The following FAM219A variants were observed in gnomAD, a reference collection of about 807,000 sequenced individuals.
FAM219A encodes protein FAM219A.
In FAM219A, 7 loss-of-function variants were observed where a neutral mutation model predicts 23.4. The observed-to-expected ratio is 0.30, with a 90% CI of 0.17 to 0.56. The LOEUF is 0.56. Ranked by LOEUF, FAM219A falls within the 20% of genes least tolerant of loss-of-function variation. The probability of loss-of-function intolerance (pLI) is 0.92; values close to 1 mark genes in which losing one functional copy is unlikely to be tolerated. For missense variants in FAM219A, 166 were observed against 246.9 expected, an observed-to-expected ratio of 0.67 and a Z score of 2.20; for synonymous variants, 93 against 99.0, an observed-to-expected ratio of 0.94 and a Z score of 0.36.
chr9:34,423,978 T>C (rs1822369813), intron 1 of FAM219A, among the ~76,000 whole-genome samples: 1 of 152,066 alleles, frequency 6.6e-6, no homozygotes, highest in South Asian at 2.1e-4. Flanking sequence ...TGTGTAAATA[T>C]GTGTATGTTT....
chr9:34,447,822 T>C (rs1265976209), intron 1 of FAM219A, among the ~76,000 whole-genome samples: 1 of 152,162 alleles, frequency 6.6e-6, no homozygotes, highest in Non-Finnish European at 1.5e-5. Context: ...TTATATTAAT[T>C]CAATACTTCA....
intron 1 of FAM219A, among the ~76,000 whole-genome samples, chr9:34,419,051 G>C (rs532543284): frequency 6.6e-6 from 1 of 151,820 alleles, no homozygotes; most frequent in African/African-American, 2.4e-5. Context: ...CTCCAACTTG[G>C]GTGATAGAGC....
intron 1 of FAM219A, among the ~76,000 whole-genome samples, chr9:34,447,888 T>G (rs1823428121): frequency 6.6e-6 from 1 of 152,190 alleles, no homozygotes; most frequent in African/African-American, 2.4e-5. Flanking sequence ...TTTTTTTTTT[T>G]TAAGACAGGG....
chr9:34,446,857 T>G (rs771205458), intron 1 of FAM219A, among the ~76,000 whole-genome samples: 14 of 152,192 alleles, frequency 9.2e-5, no homozygotes, highest in Non-Finnish European at 2.1e-4. Context: ...AATGGAGGAC[T>G]TCAGATGGTG....
At chr9:34,408,860 G>A (rs111670076) in intron 1 of FAM219A, among the ~76,000 whole-genome samples, 5 of 152,294 alleles carry the variant, frequency 3.3e-5, no homozygotes, top group East Asian at 1.9e-4. Flanking sequence ...AACACAATCC[G>A]TTAGACATTT....
intron 1 of FAM219A, among the ~76,000 whole-genome samples, chr9:34,440,625 C>T (rs192081875): frequency 0.025 from 3,843 of 151,844 alleles, 169 homozygotes; most frequent in African/African-American, 0.088. Flanking sequence ...CCGAGGCGGG[C>T]GGATCACGAG....
intron 1 of FAM219A, among the ~76,000 whole-genome samples, chr9:34,443,151 G>T (rs1347673537): frequency 6.6e-6 from 1 of 152,096 alleles, no homozygotes; most frequent in Non-Finnish European, 1.5e-5. Flanking sequence ...ATCTGGATCT[G>T]CCTCCTCTAG....
intron 1 of FAM219A, among the ~76,000 whole-genome samples, chr9:34,454,857 G>A (rs927534153): frequency 6.6e-6 from 1 of 152,310 alleles, no homozygotes; most frequent in Admixed American, 6.5e-5. Flanking sequence ...AATGGCCTCT[G>A]GATTCTTCCC....
intron 1 of FAM219A, among the ~76,000 whole-genome samples, chr9:34,432,045 A>T (rs1334117643): frequency 6.6e-6 from 1 of 152,224 alleles, no homozygotes; most frequent in Non-Finnish European, 1.5e-5. Flanking sequence ...CTTTAGCATG[A>T]AGAAAATAAT....
At chr9:34,443,302 C>T (rs1320889642) in intron 1 of FAM219A, among the ~76,000 whole-genome samples, 1 of 152,122 alleles carries the variant, frequency 6.6e-6, no homozygotes, top group Non-Finnish European at 1.5e-5. Flanking sequence ...GGAAGGCCCA[C>T]TCTGCTAACA....
intron 1 of FAM219A, among the ~76,000 whole-genome samples, chr9:34,411,689 AAAAAG>A (rs560612998): frequency 0.11 from 15,051 of 131,324 alleles, 496 homozygotes; most frequent in Admixed American, 0.13. Context: ...AAAAAAAAAA[AAAAAG>A]AAAGAAAGAA....
At chr9:34,439,804 A>G (rs1035256823) in intron 1 of FAM219A, among the ~76,000 whole-genome samples, 1 of 152,228 alleles carries the variant, frequency 6.6e-6, no homozygotes, top group Non-Finnish European at 1.5e-5. Context: ...GGCAGGAGCC[A>G]GATCACATGT....
chr9:34,427,220 G>A (rs1052420057), intron 1 of FAM219A, among the ~76,000 whole-genome samples: 3 of 152,074 alleles, frequency 2.0e-5, no homozygotes, highest in African/African-American at 7.2e-5. Flanking sequence ...TGCCCAGGCT[G>A]GAGTGCAGTG....
chr9:34,442,976 C>A (rs912486175), intron 1 of FAM219A, among the ~76,000 whole-genome samples: 6 of 151,610 alleles, frequency 4.0e-5, no homozygotes, highest in African/African-American at 1.5e-4. Context: ...TAAATTAAAT[C>A]GATATTCAAA....
chr9:34,449,005 A>AAAG (rs1564018637), intron 1 of FAM219A, among the ~76,000 whole-genome samples: 11 of 146,400 alleles, frequency 7.5e-5, no homozygotes, highest in South Asian at 2.3e-4. Context: ...AAAAAAAAAA[A>AAAG]AAACCTCAGC....
intron 5 of FAM219A, 142 bp downstream of exon 5, chr9:34,401,524 C>A: frequency 1.1e-6 from 1 of 927,140 alleles, no homozygotes. Flanking sequence ...TCCATCCTAT[C>A]CCAGGCCCAC....
chr9:34,434,640 C>A (rs1822837081), intron 1 of FAM219A, among the ~76,000 whole-genome samples: 1 of 152,166 alleles, frequency 6.6e-6, no homozygotes, highest in African/African-American at 2.4e-5. Flanking sequence ...AGGCCAGAAG[C>A]CAAAGAGAAC....
At chr9:34,403,510 A>G (rs1391070463) in intron 2 of FAM219A, among the ~76,000 whole-genome samples, 1 of 152,102 alleles carries the variant, frequency 6.6e-6, no homozygotes, top group Non-Finnish European at 1.5e-5. Context: ...AGGCTGGGGG[A>G]GCCCATTTGG....
intron 1 of FAM219A, among the ~76,000 whole-genome samples, chr9:34,439,088 C>T (rs1054554228): frequency 6.6e-6 from 1 of 152,140 alleles, no homozygotes; most frequent in African/African-American, 2.4e-5. Flanking sequence ...TGCAGCTTCA[C>T]TCCTGAGCCA....
Sources: gnomAD v4.1 joint callset for allele counts (sites outside exome capture counted in the v4.1 genomes callset) on GRCh38, gnomAD v4.1.1 for gene constraint, MANE v1.5 for transcripts, NCBI Gene and HGNC (gene_info 2026-07-23, HGNC 2026-07-21) for gene names.